SUPT3H: variants seen among roughly 807,000 people sequenced by gnomAD.
The protein encoded by SUPT3H is transcription initiation protein SPT3 homolog.
A neutral mutation model predicts 44.3 loss-of-function variants in SUPT3H; 44 were observed. The ratio of observed to expected loss-of-function variants is 0.99; its 90% CI spans 0.78 to 1.28. The LOEUF (loss-of-function observed/expected upper bound fraction) is 1.28, where lower values mean the gene tolerates loss of function less well. Ranked by LOEUF, SUPT3H falls within the 50% of genes most tolerant of loss-of-function variation. The pLI, the probability that SUPT3H is intolerant of heterozygous loss-of-function variation, is 0.00. For missense variants in SUPT3H, 380 were observed against 387.1 expected, an observed-to-expected ratio of 0.98 and a Z score of 0.15; for synonymous variants, 124 against 125.6, an observed-to-expected ratio of 0.99 and a Z score of 0.09.
intron 6 of SUPT3H, among the ~76,000 whole-genome samples, chr6:44,987,331 C>T (rs1012242835): frequency 1.3e-5 from 2 of 151,664 alleles, no homozygotes; most frequent in African/African-American, 4.8e-5. Flanking sequence ...TCCATAGCCC[C>T]TTTTTATGGG....
chr6:44,896,805 C>T (rs1764191514), intron 10 of SUPT3H, among the ~76,000 whole-genome samples: 1 of 151,762 alleles, frequency 6.6e-6, no homozygotes, highest in Admixed American at 6.6e-5. Context: ...TGCAGGATAC[C>T]CTGAAGTCAG....
chr6:44,839,846 T>C lies in SUPT3H; in HGVS notation c.913-9989A>G, dbSNP rs547446906. Among the ~76,000 whole-genome samples the C allele has an allele frequency of 5.1e-4, 77 of 151,438 alleles. 1 individual carries two copies. In the South Asian group the frequency reaches 7.5e-3, roughly 15 times the overall value. On this transcript the variant is annotated intron_variant, in intron 10 of 10. Transcript: ENST00000371459. ...CCTCCCGAGTAGCTGGGACTACAGG[T>C]GCCCGCCACCACGCCCGGCTACTTT...
At chr6:45,314,597 T>A (rs1328567980) in intron 2 of SUPT3H, among the ~76,000 whole-genome samples, 1 of 152,100 alleles carries the variant, frequency 6.6e-6, no homozygotes, top group East Asian at 1.9e-4. Flanking sequence ...TCGAAAGACC[T>A]CTACAAGGAA....
chr6:44,821,456 T>C (rs2153405768), intron 11 of SUPT3H, among the ~76,000 whole-genome samples: 1 of 152,320 alleles, frequency 6.6e-6, no homozygotes, highest in East Asian at 1.9e-4. Flanking sequence ...TAACTACTAC[T>C]ACCCCCCTCT....
At chr6:45,253,957 G>GCA (rs1772889324) in intron 2 of SUPT3H, among the ~76,000 whole-genome samples, 2 of 146,046 alleles carry the variant, frequency 1.4e-5, no homozygotes, top group Admixed American at 1.4e-4. Flanking sequence ...ACGTACACAT[G>GCA]CACAGACACA....
chr6:45,369,439 T>C (rs547058151), intron 1 of SUPT3H, among the ~76,000 whole-genome samples: 4 of 152,326 alleles, frequency 2.6e-5, no homozygotes, highest in African/African-American at 9.6e-5. Flanking sequence ...CTTTAGTGCA[T>C]ACTAATTATT....
intron 2 of SUPT3H, among the ~76,000 whole-genome samples, chr6:45,279,561 G>C (rs1777601073): frequency 6.6e-6 from 1 of 152,054 alleles, no homozygotes; most frequent in Non-Finnish European, 1.5e-5. Flanking sequence ...TCCTGCTCCT[G>C]CTATGTGAGA....
At position 45,377,925 on chromosome 6, in the gene SUPT3H, TCG is replaced by T. The variant is rs1366405997; in HGVS notation, c.-160_-159del. On this transcript the variant is annotated 5_prime_UTR_variant, in exon 1 of 11. Transcript: ENST00000371459. ...GGAGTGTAGAAAGGGAAAAGGTGAC[TCG>T]GCTGTGTGACGGGGCGATGGGGGGG... The T allele has an allele frequency of 6.7e-6, 1 of 148,850 alleles. No homozygotes were observed. Among genetic ancestry groups the T allele is most frequent in the Non-Finnish European group, 1.5e-5 (1 of 67,272 alleles). The allele number at this position is 148,850 out of a possible 1,614,324, so 9.2% of individuals were successfully genotyped here.
chr6:45,353,282 G>C (rs1002306651), intron 2 of SUPT3H, among the ~76,000 whole-genome samples: 1 of 152,006 alleles, frequency 6.6e-6, no homozygotes, highest in Non-Finnish European at 1.5e-5. Flanking sequence ...TTTGGAACTT[G>C]ATAAAATGAT....
chr6:45,243,464 A>G (rs900004753), intron 2 of SUPT3H, among the ~76,000 whole-genome samples: 1 of 151,064 alleles, frequency 6.6e-6, no homozygotes, highest in South Asian at 2.1e-4. Context: ...TCTTTTTAAA[A>G]GATTGATAAA....
At chr6:45,155,939 C>T (rs962972517) in intron 2 of SUPT3H, among the ~76,000 whole-genome samples, 1 of 152,002 alleles carries the variant, frequency 6.6e-6, no homozygotes, top group Non-Finnish European at 1.5e-5. Flanking sequence ...TTGAACTATA[C>T]CTTACAGCAA....
chr6:45,310,784 T>A (rs1433133724), intron 2 of SUPT3H, among the ~76,000 whole-genome samples: 1 of 152,110 alleles, frequency 6.6e-6, no homozygotes, highest in Non-Finnish European at 1.5e-5. Context: ...AACAACAGCC[T>A]TCAACCCTAG....
intron 2 of SUPT3H, among the ~76,000 whole-genome samples, chr6:45,191,326 C>T (rs560401316): frequency 1.3e-5 from 2 of 152,156 alleles, no homozygotes; most frequent in South Asian, 4.1e-4. Context: ...AAGGCTACAT[C>T]ATATATGATT....
chr6:44,815,712 A>G (rs1405582377), intron 11 of SUPT3H, among the ~76,000 whole-genome samples: 3 of 152,144 alleles, frequency 2.0e-5, no homozygotes, highest in Non-Finnish European at 2.9e-5. Flanking sequence ...GGAGAAACAG[A>G]TAAGTCTACA....
intron 10 of SUPT3H, among the ~76,000 whole-genome samples, chr6:44,911,504 T>A (rs1767043372): frequency 6.6e-6 from 1 of 152,242 alleles, no homozygotes; most frequent in Non-Finnish European, 1.5e-5. Flanking sequence ...ATACCTTTTC[T>A]TTTGTCAGCT....
intron 2 of SUPT3H, among the ~76,000 whole-genome samples, chr6:45,347,554 T>C (rs1309284295): frequency 6.6e-6 from 1 of 152,104 alleles, no homozygotes; most frequent in Admixed American, 6.5e-5. Context: ...TTAATAAACA[T>C]AAATGCAGCA....
chr6:44,928,909 A>AAAAG (rs1491361687), intron 10 of SUPT3H, among the ~76,000 whole-genome samples: 4 of 139,072 alleles, frequency 2.9e-5, no homozygotes, highest in African/African-American at 1.1e-4. Context: ...AAAAAAGAAA[A>AAAAG]GAAAAGAAAC....
intron 2 of SUPT3H, among the ~76,000 whole-genome samples, chr6:45,331,002 T>C (rs904551000): frequency 5.3e-5 from 8 of 152,034 alleles, no homozygotes; most frequent in African/African-American, 1.2e-4. Context: ...GTCTTAAGTA[T>C]GTGCCCCAAT....
At chr6:45,011,654 A>T (rs528687690) in intron 5 of SUPT3H, among the ~76,000 whole-genome samples, 111 of 152,232 alleles carry the variant, frequency 7.3e-4, no homozygotes, top group South Asian at 1.2e-3. Flanking sequence ...AATCAATTTT[A>T]AAAAGGAAAT....
Sources: gnomAD v4.1 joint callset for allele counts (sites outside exome capture counted in the v4.1 genomes callset) on GRCh38, gnomAD v4.1.1 for gene constraint, MANE v1.5 for transcripts, NCBI Gene and HGNC (gene_info 2026-07-23, HGNC 2026-07-21) for gene names.